SHANK2: variants seen among roughly 807,000 people sequenced by gnomAD.
The protein encoded by SHANK2 is SH3 and multiple ankyrin repeat domains protein 2.
In SHANK2, 43 loss-of-function variants were observed where a neutral mutation model predicts 133.7. That is an observed-to-expected ratio of 0.32 (90% CI 0.25 to 0.41). SHANK2 has a LOEUF of 0.41. Among genes scored for constraint, SHANK2 ranks in the 10% least tolerant of loss-of-function variants. The probability of loss-of-function intolerance (pLI) is 1.00; values close to 1 mark genes in which losing one functional copy is unlikely to be tolerated. For missense variants in SHANK2, 1,994 were observed against 2,235.8 expected, an observed-to-expected ratio of 0.89 and a Z score of 2.18; for synonymous variants, 1,017 against 952.8, an observed-to-expected ratio of 1.07 and a Z score of -1.24.
intron 11 of SHANK2, among the ~76,000 whole-genome samples, chr11:70,834,353 C>A (rs1355711557): frequency 6.6e-6 from 1 of 152,196 alleles, no homozygotes; most frequent in Non-Finnish European, 1.5e-5. Flanking sequence ...AGACTGAAGG[C>A]CCATGGGGAG....
At chr11:70,798,594 G>A in intron 13 of SHANK2, 38 bp from the exon 14 acceptor site, 1 of 717,478 alleles carries the variant, frequency 1.4e-6, no homozygotes. Context: ...TAGCAGGGGG[G>A]ACGTGGAGGG....
In SHANK2 at chr11:71,074,083, C is replaced by T. The variant is rs1565436440; in HGVS notation, c.1029+1076G>A. ...GCACCAGCTGTGGGAGTGGGATGCT[C>T]GCCTTGCTTTCCTGGGGCTCTGTTT... On this transcript the variant is annotated intron_variant, in intron 9 of 25. Coordinates refer to ENST00000601538, the MANE Select transcript of SHANK2 (RefSeq NM_012309.5). Among the ~76,000 whole-genome samples, 3 of 152,156 alleles carry T rather than the reference C, an allele frequency of 2.0e-5. 1 individual carries two copies. The highest frequency in any genetic ancestry group is 4.1e-4 in the South Asian group (2 of 4,824).
intron 8 of SHANK2, among the ~76,000 whole-genome samples, chr11:71,084,886 C>G (rs1170017245): frequency 7.2e-5 from 11 of 152,148 alleles, no homozygotes; most frequent in Admixed American, 3.3e-4. Context: ...GTAACCAGCT[C>G]TGAGGATATA....
intron 17 of SHANK2, among the ~76,000 whole-genome samples, chr11:70,574,116 C>T (rs976766222): frequency 4.6e-5 from 7 of 152,260 alleles, no homozygotes; most frequent in African/African-American, 1.7e-4. Context: ...GCCAGTTCCT[C>T]TTGTCTATGA....
rs150412997 is a variant in SHANK2 at position 70,593,008 on chromosome 11, C to T, written c.2061+66820G>A. 7.9e-5 allele frequency among the ~76,000 whole-genome samples: 12 copies of T among 152,280 alleles called. No homozygotes were observed. In the Middle Eastern group the frequency reaches 0.01, roughly 129 times the overall value. ...ACTCACGAAGGGAGCCTGCAGCTAT[C>T]GGAGGGGTGGGTCCCAGCCCTGGCC... On this transcript the variant is annotated intron_variant, in intron 17 of 25. Coordinates refer to ENST00000601538, the MANE Select transcript of SHANK2 (RefSeq NM_012309.5).
chr11:70,636,645 G>A (rs1429243679), intron 17 of SHANK2, among the ~76,000 whole-genome samples: 2 of 152,022 alleles, frequency 1.3e-5, no homozygotes, highest in African/African-American at 4.8e-5. Context: ...GCAAATGTGT[G>A]AGCATATGAA....
At chr11:71,069,843 C>T (rs1398389938) in intron 9 of SHANK2, among the ~76,000 whole-genome samples, 1 of 152,202 alleles carries the variant, frequency 6.6e-6, no homozygotes, top group Admixed American at 6.5e-5. Context: ...TCTGTCCCAT[C>T]CCTGAACAGT....
intron 6 of SHANK2, among the ~76,000 whole-genome samples, chr11:71,109,577 G>C (rs1381807525): frequency 6.6e-6 from 1 of 152,206 alleles, no homozygotes; most frequent in Non-Finnish European, 1.5e-5. Context: ...CCCAGCGGGA[G>C]GCAGAAACAC....
At chr11:71,083,617 C>CA (rs2136011913) in intron 8 of SHANK2, among the ~76,000 whole-genome samples, 1 of 152,216 alleles carries the variant, frequency 6.6e-6, no homozygotes, top group African/African-American at 2.4e-5. Context: ...GAGTCAAACT[C>CA]AGAGAGGGAG....
chr11:71,076,275 C>A (rs1256360070), intron 8 of SHANK2, among the ~76,000 whole-genome samples: 3 of 151,850 alleles, frequency 2.0e-5, no homozygotes, highest in Admixed American at 2.0e-4. Context: ...GTGAGCCCCA[C>A]CAAGGGCAGG....
chr11:71,171,868 A>C (rs1590985465), intron 2 of SHANK2, among the ~76,000 whole-genome samples: 1 of 152,206 alleles, frequency 6.6e-6, no homozygotes, highest in East Asian at 1.9e-4. Flanking sequence ...TAGAGGCCCC[A>C]TTCTCAAAGA....
chr11:71,210,531 T>G (rs555310186), intron 2 of SHANK2, among the ~76,000 whole-genome samples: 6 of 152,052 alleles, frequency 3.9e-5, no homozygotes, highest in Admixed American at 3.9e-4. Context: ...ATTACAGGTG[T>G]GAGCCACCAT....
intron 17 of SHANK2, among the ~76,000 whole-genome samples, chr11:70,511,715 G>C (rs2059207099): frequency 6.6e-6 from 1 of 152,174 alleles, no homozygotes; most frequent in South Asian, 2.1e-4. Context: ...CTTACATACA[G>C]ACATGGAGAC....
intron 7 of SHANK2, among the ~76,000 whole-genome samples, chr11:71,093,525 TAGTG>T (rs1358522824): frequency 1.3e-5 from 2 of 152,024 alleles, no homozygotes; most frequent in Admixed American, 1.3e-4. Context: ...GCTTTCGTGA[TAGTG>T]AGTGAGTGCT....
At chr11:70,744,277 C>T (rs1318177) in intron 14 of SHANK2, among the ~76,000 whole-genome samples, 4,774 of 152,294 alleles carry the variant, frequency 0.031, 227 homozygotes, top group African/African-American at 0.11. Flanking sequence ...TGGGCTCGGG[C>T]GATCAGATCC....
intron 17 of SHANK2, among the ~76,000 whole-genome samples, chr11:70,522,027 C>T (rs2059337031): frequency 6.6e-6 from 1 of 152,210 alleles, no homozygotes; most frequent in South Asian, 2.1e-4. Flanking sequence ...GGGTTGCTGG[C>T]TCTAACGGTT....
At chr11:70,914,668 T>TAAATAAAATAAAACAAAATA (rs1950243355) in intron 10 of SHANK2, among the ~76,000 whole-genome samples, 1 of 107,294 alleles carries the variant, frequency 9.3e-6, no homozygotes, top group Non-Finnish European at 1.8e-5. Flanking sequence ...ACAAAAAAAA[T>TAAATAAAATAAAACAAAATA]AAATAAAATA....
At position 71,122,553 on chromosome 11, in the gene SHANK2, G is replaced by A. The variant is rs1263526821; in HGVS notation, c.208-3521C>T. On this transcript the variant is annotated intron_variant, in intron 3 of 25. Transcript: ENST00000601538. Reference sequence around the variant, plus strand: ...ACGAGAAATACCTAATGTAAATGACGAGTTAATGGGTACAGCAAACCAACA... The same window carrying A: ...ACGAGAAATACCTAATGTAAATGACAAGTTAATGGGTACAGCAAACCAACA... Among the ~76,000 whole-genome samples the A allele has an allele frequency of 7.9e-5, 12 of 152,256 alleles. 1 individual carries two copies. The highest frequency in any genetic ancestry group is 3.4e-3 in the Middle Eastern group (1 of 294).
At chr11:70,943,474 C>T (rs937795230) in intron 10 of SHANK2, among the ~76,000 whole-genome samples, 1 of 152,080 alleles carries the variant, frequency 6.6e-6, no homozygotes, top group Non-Finnish European at 1.5e-5. Context: ...CCAGGAGGAA[C>T]CAGGAGCTTT....
Sources: allele counts gnomAD v4.1 joint callset (sites outside exome capture counted in the v4.1 genomes callset), GRCh38; gene constraint gnomAD v4.1.1; transcripts MANE v1.5; gene names NCBI Gene and HGNC (gene_info 2026-07-23, HGNC 2026-07-21).